Variants in PDE4D observed in about 807,000 individuals in gnomAD.
PDE4D encodes the protein phosphodiesterase 4D.
A neutral mutation model predicts 87.4 loss-of-function variants in PDE4D; 24 were observed. The ratio of observed to expected loss-of-function variants is 0.27; its 90% CI spans 0.20 to 0.39. The LOEUF (loss-of-function observed/expected upper bound fraction) is 0.39, where lower values mean the gene tolerates loss of function less well. Among genes scored for constraint, PDE4D ranks in the 10% least tolerant of loss-of-function variants. The probability of loss-of-function intolerance (pLI) is 1.00; values close to 1 mark genes in which losing one functional copy is unlikely to be tolerated. For synonymous variants in PDE4D, 384 were observed against 383.2 expected, an observed-to-expected ratio of 1.00 and a Z score of -0.02; for missense variants, 714 against 1,041.0, an observed-to-expected ratio of 0.69 and a Z score of 4.32.
At chr5:59,534,957 G>A (rs1225724828) in intron 1 of PDE4D, among the ~76,000 whole-genome samples, 1 of 151,710 alleles carries the variant, frequency 6.6e-6, no homozygotes, top group Admixed American at 6.6e-5. Flanking sequence ...GTAAAATCTT[G>A]GGCTTCTTGT....
At chr5:59,469,547 G>A (rs1802118331) in intron 1 of PDE4D, among the ~76,000 whole-genome samples, 1 of 152,138 alleles carries the variant, frequency 6.6e-6, no homozygotes, top group Non-Finnish European at 1.5e-5. Flanking sequence ...GAAGGCAGGG[G>A]ATGGCCTTGA....
chr5:59,104,476 C>T (rs1003107099), intron 5 of PDE4D, among the ~76,000 whole-genome samples: 2 of 152,178 alleles, frequency 1.3e-5, no homozygotes, highest in African/African-American at 4.8e-5. Context: ...AGCGTAAGCT[C>T]TCCTATTTAT....
intron 2 of PDE4D, among the ~76,000 whole-genome samples, chr5:60,154,039 C>A (rs185162967): frequency 7.2e-5 from 11 of 152,080 alleles, no homozygotes. Context: ...AAAAAACAAG[C>A]AAAAGCATTA....
At chr5:59,062,375 A>T (rs1335783859) in intron 5 of PDE4D, among the ~76,000 whole-genome samples, 1 of 152,168 alleles carries the variant, frequency 6.6e-6, no homozygotes, top group Non-Finnish European at 1.5e-5. Flanking sequence ...TCCATCAGAC[A>T]TCTGAGCTAT....
intron 5 of PDE4D, among the ~76,000 whole-genome samples, chr5:59,053,758 C>T (rs1761953116): frequency 6.8e-6 from 1 of 146,688 alleles, no homozygotes; most frequent in Non-Finnish European, 1.5e-5. Context: ...GAATTTGAGA[C>T]CAGCCTGGCC....
At chr5:60,017,988 T>C (rs1319413878) in intron 2 of PDE4D, among the ~76,000 whole-genome samples, 1 of 152,158 alleles carries the variant, frequency 6.6e-6, no homozygotes, top group African/African-American at 2.4e-5. Flanking sequence ...TAATCGCAAT[T>C]CTGACCGGCA....
rs147154594 is a variant in PDE4D at position 60,296,754 on chromosome 5, C to T, written c.-89-111067G>A. Among the ~76,000 whole-genome samples the T allele has an allele frequency of 2.9e-3, 435 of 152,210 alleles. 2 individuals carry two copies. Among genetic ancestry groups the T allele is most frequent in the Non-Finnish European group, 3.6e-3 (243 of 68,018 alleles). On this transcript the variant is annotated intron_variant, in intron 1 of 16. Transcript: ENST00000502484. ...GTGGCACATATACCATGGAATACTACGCCACCATAAAAAAGAATGAGTTCA... is the reference window on the plus strand; with the variant it reads ...GTGGCACATATACCATGGAATACTATGCCACCATAAAAAAGAATGAGTTCA...
chr5:59,356,775 ACG>A (rs777819600), intron 1 of PDE4D: 1 of 1,568,832 alleles, frequency 6.4e-7, no homozygotes, highest in Non-Finnish European at 8.6e-7. Flanking sequence ...ACTTTGAGAA[ACG>A]CAATCTTGAT....
intron 5 of PDE4D, among the ~76,000 whole-genome samples, chr5:59,064,148 A>C (rs1763541801): frequency 6.6e-6 from 1 of 151,920 alleles, no homozygotes; most frequent in East Asian, 1.9e-4. Flanking sequence ...GGAGACATGG[A>C]GGGGGCAGAG....
At chr5:59,137,205 G>T (rs1034156640) in intron 5 of PDE4D, among the ~76,000 whole-genome samples, 1 of 152,106 alleles carries the variant, frequency 6.6e-6, no homozygotes, top group African/African-American at 2.4e-5. Flanking sequence ...TCTGTCCTTT[G>T]GTACAAAGAT....
intron 2 of PDE4D, among the ~76,000 whole-genome samples, chr5:60,081,306 C>G (rs1773912529): frequency 7.2e-6 from 1 of 139,114 alleles, no homozygotes; most frequent in Non-Finnish European, 1.5e-5. Context: ...AGTGGTCTAT[C>G]TATTTTGTTA....
At chr5:59,799,692 TAGA>T (rs2152663196) in intron 1 of PDE4D, among the ~76,000 whole-genome samples, 1 of 152,298 alleles carries the variant, frequency 6.6e-6, no homozygotes, top group South Asian at 2.1e-4. Flanking sequence ...CTGGGGAAAT[TAGA>T]AGGCTTAAAC....
chr5:59,295,381 C>T (rs1343710883), intron 1 of PDE4D, among the ~76,000 whole-genome samples: 1 of 152,092 alleles, frequency 6.6e-6, no homozygotes, highest in Non-Finnish European at 1.5e-5. Context: ...TTTGTGTCAG[C>T]CCAGCACAAA....
chr5:60,258,015 A>C (rs1749278331), intron 1 of PDE4D, among the ~76,000 whole-genome samples: 1 of 151,948 alleles, frequency 6.6e-6, no homozygotes, highest in Non-Finnish European at 1.5e-5. Flanking sequence ...AGTTGAGACA[A>C]AGGGAAGAAT....
At chr5:60,190,721 T>A (rs1785131054) in intron 1 of PDE4D, among the ~76,000 whole-genome samples, 1 of 152,210 alleles carries the variant, frequency 6.6e-6, no homozygotes, top group Non-Finnish European at 1.5e-5. Context: ...TGCATTTTCC[T>A]AAAACTAGTT....
chr5:59,438,289 A>T (rs919396095), intron 1 of PDE4D, among the ~76,000 whole-genome samples: 6 of 152,142 alleles, frequency 3.9e-5, no homozygotes, highest in African/African-American at 1.4e-4. Context: ...TTCAGCTTGC[A>T]CCATCATTTA....
intron 5 of PDE4D, among the ~76,000 whole-genome samples, chr5:59,135,596 A>G (rs1776940479): frequency 6.6e-6 from 1 of 152,228 alleles, no homozygotes. Flanking sequence ...AATGCCCATC[A>G]TTAGCTCAGG....
intron 1 of PDE4D, among the ~76,000 whole-genome samples, chr5:59,414,235 T>C (rs907705155): frequency 6.6e-5 from 10 of 152,218 alleles, no homozygotes; most frequent in African/African-American, 2.4e-4. Flanking sequence ...ATTTCAAAGA[T>C]ATGGAATGTG....
chr5:59,388,188 A>G (rs73095448), intron 1 of PDE4D, among the ~76,000 whole-genome samples: 6,772 of 152,192 alleles, frequency 0.044, 510 homozygotes, highest in African/African-American at 0.15. Flanking sequence ...TTAAAAAACA[A>G]GAAAAGGATC....
Sources: allele counts gnomAD v4.1 joint callset (sites outside exome capture counted in the v4.1 genomes callset), GRCh38; gene constraint gnomAD v4.1.1; transcripts MANE v1.5; gene names NCBI Gene and HGNC (gene_info 2026-07-23, HGNC 2026-07-21).